ACOXL: variants seen among roughly 807,000 people sequenced by gnomAD.
ACOXL encodes acyl-coenzyme A oxidase-like protein.
In ACOXL, 70 loss-of-function variants were observed where a neutral mutation model predicts 71.9. That is an observed-to-expected ratio of 0.97 (90% CI 0.80 to 1.19). The LOEUF (loss-of-function observed/expected upper bound fraction) is 1.19. ACOXL is among the 50% of genes most tolerant of loss of function. The pLI is 0.00. For synonymous variants in ACOXL, 253 were observed against 281.6 expected (o/e 0.90, Z 1.02); for missense variants, 703 against 736.3 (o/e 0.95, Z 0.52).
intron 3 of ACOXL, among the ~76,000 whole-genome samples, chr2:110,791,339 T>C (rs1035927979): frequency 5.9e-5 from 9 of 152,154 alleles, no homozygotes; most frequent in African/African-American, 2.2e-4. Context: ...CACTCTAGGT[T>C]TTTTTTCCTC....
In ACOXL at chr2:110,969,152, G is replaced by C. The variant is rs139954855; in HGVS notation, c.1060-17956G>C. Among the ~76,000 whole-genome samples, 861 of 152,184 alleles carry C rather than the reference G, an allele frequency of 5.7e-3. 4 individuals carry two copies. The highest frequency in any genetic ancestry group is 0.02 in the African/African-American group (819 of 41,522). On this transcript the variant is annotated intron_variant, in intron 12 of 17. Coordinates refer to ENST00000439055, the MANE Select transcript of ACOXL (RefSeq NM_001142807.4). ...GCATGAACACACAACACATCAAAACGTATGGGAGGCAGATAAAATAGTGCT... is the reference window on the plus strand; with the variant it reads ...GCATGAACACACAACACATCAAAACCTATGGGAGGCAGATAAAATAGTGCT...
chr2:110,737,730 A>T (rs1677042885), intron 1 of ACOXL, among the ~76,000 whole-genome samples: 1 of 152,164 alleles, frequency 6.6e-6, no homozygotes, highest in Non-Finnish European at 1.5e-5. Flanking sequence ...CCTGCCCCTC[A>T]TGGACACATT....
intron 10 of ACOXL, among the ~76,000 whole-genome samples, chr2:110,880,867 C>T (rs1487108920): frequency 1.3e-5 from 2 of 152,272 alleles, no homozygotes; most frequent in South Asian, 2.1e-4. Context: ...ATTGAGGAGG[C>T]TCCTTTCTCC....
chr2:110,980,641 G>T (rs1208624272), intron 12 of ACOXL, among the ~76,000 whole-genome samples: 2 of 152,132 alleles, frequency 1.3e-5, no homozygotes, highest in African/African-American at 4.8e-5. Context: ...GAGTCTCCAC[G>T]CTGGGCTCCA....
At chr2:111,059,080 A>C (rs2066682232) in intron 16 of ACOXL, among the ~76,000 whole-genome samples, 1 of 152,300 alleles carries the variant, frequency 6.6e-6, no homozygotes, top group South Asian at 2.1e-4. Flanking sequence ...AAAATTCTAA[A>C]AAGTAAATTA....
intron 17 of ACOXL, among the ~76,000 whole-genome samples, chr2:111,114,992 T>C (rs543633603): frequency 6.6e-6 from 1 of 152,348 alleles, no homozygotes; most frequent in South Asian, 2.1e-4. Context: ...TCCAGTGGAC[T>C]GTACATTCTT....
At chr2:110,860,032 A>G (rs1410069397) in intron 10 of ACOXL, among the ~76,000 whole-genome samples, 1 of 152,146 alleles carries the variant, frequency 6.6e-6, no homozygotes, top group Non-Finnish European at 1.5e-5. Flanking sequence ...GTGACTTTGC[A>G]GCACTGGTTT....
At chr2:110,871,242 GTT>G (rs1332394250) in intron 10 of ACOXL, among the ~76,000 whole-genome samples, 1 of 152,080 alleles carries the variant, frequency 6.6e-6, no homozygotes, top group Non-Finnish European at 1.5e-5. Context: ...ATCTGGCTTT[GTT>G]TAGTAGTCTG....
chr2:110,768,262 A>G, intron 1 of ACOXL, 106 bp from the exon 2 acceptor site: 1 of 820,006 alleles, frequency 1.2e-6, no homozygotes. Flanking sequence ...TCAAACAAGC[A>G]TTACAATGGA....
chr2:110,814,840 CAT>C (rs1038576930), intron 9 of ACOXL, among the ~76,000 whole-genome samples: 2 of 152,110 alleles, frequency 1.3e-5, no homozygotes, highest in Non-Finnish European at 2.9e-5. Context: ...AGAATTGTAT[CAT>C]GTTTTTATTT....
chr2:111,025,186 G>T (rs2064960712), intron 14 of ACOXL, among the ~76,000 whole-genome samples: 1 of 152,068 alleles, frequency 6.6e-6, no homozygotes. Context: ...TTGTGAAGTG[G>T]TATTCGTTTG....
chr2:111,093,785 G>A (rs552573196), intron 17 of ACOXL: 32 of 379,808 alleles, frequency 8.4e-5, no homozygotes, highest in Non-Finnish European at 1.2e-4. Context: ...AATCGCTTGA[G>A]CCCTGGAGTT....
At chr2:110,846,789 G>C (rs984705033) in intron 10 of ACOXL, among the ~76,000 whole-genome samples, 2 of 151,860 alleles carry the variant, frequency 1.3e-5, no homozygotes, top group East Asian at 1.9e-4. Flanking sequence ...GTGTGTGTTG[G>C]GGGGGGTGTA....
chr2:110,894,843 C>A (rs1163626241), intron 10 of ACOXL, among the ~76,000 whole-genome samples: 1 of 152,174 alleles, frequency 6.6e-6, no homozygotes, highest in Non-Finnish European at 1.5e-5. Flanking sequence ...TAATGAGGAG[C>A]CCAGCACCAT....
intron 5 of ACOXL, among the ~76,000 whole-genome samples, chr2:110,795,137 C>T (rs772583687): frequency 2.0e-5 from 3 of 152,176 alleles, no homozygotes; most frequent in African/African-American, 4.8e-5. Context: ...GCTGCCTGGC[C>T]GTGTGGCTGC....
intron 2 of ACOXL, among the ~76,000 whole-genome samples, chr2:110,776,886 G>C (rs960073015): frequency 2.1e-4 from 32 of 152,030 alleles, no homozygotes; most frequent in African/African-American, 7.7e-4. Flanking sequence ...AGTCACCAGG[G>C]AGAGAGGTGG....
At chr2:110,968,966 G>A (rs904255992) in intron 12 of ACOXL, among the ~76,000 whole-genome samples, 2 of 152,130 alleles carry the variant, frequency 1.3e-5, no homozygotes, top group African/African-American at 2.4e-5. Context: ...AAAAGGTACA[G>A]AATATGTTTT....
chr2:110,756,914 T>G (rs1559222772), intron 1 of ACOXL, among the ~76,000 whole-genome samples: 1 of 152,194 alleles, frequency 6.6e-6, no homozygotes, highest in Non-Finnish European at 1.5e-5. Context: ...TTTTTTAAAT[T>G]CAGGGGTACA....
chr2:110,940,085 T>C lies in ACOXL; in HGVS notation c.1059+6443T>C, dbSNP rs140927859. Among the ~76,000 whole-genome samples the C allele has an allele frequency of 1.7e-3, 257 of 152,296 alleles. 2 individuals carry two copies. Among genetic ancestry groups the C allele is most frequent in the African/African-American group, 5.7e-3 (238 of 41,570 alleles). On this transcript the variant is annotated intron_variant, in intron 12 of 17. Coordinates refer to ENST00000439055, the MANE Select transcript of ACOXL (RefSeq NM_001142807.4). ...ACAACCCAGTATTTACAAAGACACA[T>C]GTATGAAATTGAAAAAAGGAATTTT...
Sources: gnomAD v4.1 joint callset for allele counts (sites outside exome capture counted in the v4.1 genomes callset) on GRCh38, gnomAD v4.1.1 for gene constraint, MANE v1.5 for transcripts, NCBI Gene and HGNC (gene_info 2026-07-23, HGNC 2026-07-21) for gene names.